Variants in CDH7 observed in about 807,000 individuals in gnomAD.
CDH7 encodes the protein cadherin 7.
Under a neutral mutation model 71.8 loss-of-function variants are expected in CDH7, and 25 were observed. The observed-to-expected ratio is 0.35, with a 90% confidence interval of 0.25 to 0.49. The LOEUF (loss-of-function observed/expected upper bound fraction) is 0.49, where lower values mean the gene tolerates loss of function less well. Among genes scored for constraint, CDH7 ranks in the 20% least tolerant of loss-of-function variants. The pLI is 0.99. For missense variants in CDH7, 862 were observed against 974.6 expected (o/e 0.88, Z 1.54); for synonymous variants, 381 against 363.8 (o/e 1.05, Z -0.54).
chr18:65,792,094 C>T (rs894619738), intron 2 of CDH7, among the ~76,000 whole-genome samples: 1 of 151,828 alleles, frequency 6.6e-6, no homozygotes, highest in Non-Finnish European at 1.5e-5. Context: ...TTCTTAAGTG[C>T]CCCTGAGGCT....
intron 6 of CDH7, among the ~76,000 whole-genome samples, chr18:65,827,024 T>C (rs559817197): frequency 6.6e-6 from 1 of 151,852 alleles, no homozygotes; most frequent in Admixed American, 6.6e-5. Flanking sequence ...ATTCCTTACT[T>C]CTGCCCAGAA....
intron 2 of CDH7, among the ~76,000 whole-genome samples, chr18:65,778,666 C>CT (rs138374389): frequency 0.34 from 50,009 of 145,758 alleles, 8,737 homozygotes; most frequent in Middle Eastern, 0.45. Flanking sequence ...AGTTTATTTT[C>CT]TTTTTTTTTG....
Position 65,859,039 on chromosome 18 carries a change from C to A in CDH7, c.1487C>A (p.Pro496Gln), listed in dbSNP as rs141136047. The A allele has an allele frequency of 6.1e-5, 99 of 1,613,216 alleles. No individual in the cohort carries two copies. The highest frequency in any genetic ancestry group is 7.7e-5 in the South Asian group (7 of 91,058). The change falls in exon 9 of 12, where the codon CCG becomes CAG. Residue 496 changes from proline to glutamine, a missense_variant. Pro to Gln is a moderately conservative substitution (Grantham distance 76). Transcript: ENST00000397968. The part of the protein sequence containing the change: ...YETTVCENAQ[P>Q]GQVIQKISAV... ...ACCACCGTCTGTGAAAATGCCCAGC[C>A]GGGGCAGGTAAGAGTCTTCAGAACA...
rs897785162 is a variant in CDH7, at chr18:65,835,763, T to G, written c.982-8049T>G. Among the ~76,000 whole-genome samples the G allele has an allele frequency of 2.6e-5, 4 of 152,164 alleles. No homozygotes were observed. In the East Asian group the frequency reaches 7.7e-4, roughly 29 times the overall value. ...TGTTTTCTACTTTATGCTTATAAAA[T>G]CAAAACAGACTACCTAAGTTCAGAG... On this transcript the variant is annotated intron_variant, in intron 6 of 11. Transcript: ENST00000397968.
intron 4 of CDH7, among the ~76,000 whole-genome samples, chr18:65,820,183 G>A (rs1911870006): frequency 6.7e-6 from 1 of 149,540 alleles, no homozygotes; most frequent in African/African-American, 2.5e-5. Flanking sequence ...GAAAAGTTCT[G>A]AGTTATGGTA....
At chr18:65,835,404 T>C (rs1912497762) in intron 6 of CDH7, among the ~76,000 whole-genome samples, 1 of 152,166 alleles carries the variant, frequency 6.6e-6, no homozygotes, top group Non-Finnish European at 1.5e-5. Flanking sequence ...CTTCATGAAA[T>C]GGCCAAGGAA....
At chr18:65,862,288 C>T (rs774264006) in intron 10 of CDH7, among the ~76,000 whole-genome samples, 2 of 152,090 alleles carry the variant, frequency 1.3e-5, no homozygotes, top group African/African-American at 2.4e-5. Flanking sequence ...TATGATGATA[C>T]TGCAAAATAT....
intron 4 of CDH7, among the ~76,000 whole-genome samples, chr18:65,816,429 T>C (rs559099436): frequency 8.5e-5 from 13 of 152,294 alleles, no homozygotes; most frequent in Admixed American, 6.5e-4. Context: ...CTTCCTTTCC[T>C]GATGTCTGTC....
At chr18:65,766,315 A>C (rs1315477663) in intron 2 of CDH7, among the ~76,000 whole-genome samples, 4 of 152,268 alleles carry the variant, frequency 2.6e-5, no homozygotes, top group South Asian at 2.1e-4. Flanking sequence ...TCAGTCAATA[A>C]AATTTGATCA....
chr18:65,769,398 T>A (rs1393763162), intron 2 of CDH7, among the ~76,000 whole-genome samples: 2 of 152,204 alleles, frequency 1.3e-5, no homozygotes, highest in African/African-American at 4.8e-5. Flanking sequence ...CTGTAAAATG[T>A]GATCAAATTG....
At chr18:65,839,216 T>G (rs572781263) in intron 6 of CDH7, among the ~76,000 whole-genome samples, 1 of 152,204 alleles carries the variant, frequency 6.6e-6, no homozygotes, top group Non-Finnish European at 1.5e-5. Flanking sequence ...TTAGTCCGTT[T>G]GGGCTACTAT....
chr18:65,843,901 G>T lies in CDH7; in HGVS notation c.1071G>T (p.Pro357=), dbSNP rs138826876. 189 of 1,602,702 alleles carry T rather than the reference G, an allele frequency of 1.2e-4. No individual in the cohort carries two copies. The African/African-American group carries it at 2.1e-3, about 18-fold the overall frequency. ...ACCCTCGCTTTCTGAGCTTGGGTCC[G>T]TTCAGTGACACGACAACTGTGAAGA... is the stretch of plus-strand genomic sequence containing the variant. The part of the protein sequence containing the change: ...DADPRFLSLG[P]FSDTTTVKII... The change falls in exon 7 of 12, where the codon CCG becomes CCT. Residue 357 remains proline (P), a synonymous_variant. Transcript: ENST00000397968.
At position 65,780,232 on chromosome 18, in the gene CDH7, A is replaced by C. The variant is rs1189449650; in HGVS notation, c.210+17180A>C. Among the ~76,000 whole-genome samples, 2 of 119,130 alleles carry C rather than the reference A, an allele frequency of 1.7e-5. 1 individual carries two copies. Among genetic ancestry groups the C allele is most frequent in the Non-Finnish European group, 3.4e-5 (2 of 58,958 alleles). 78.2% of individuals were successfully genotyped at this position (119,130 alleles called of 152,430 possible). On this transcript the variant is annotated intron_variant, in intron 2 of 11. Coordinates refer to ENST00000397968, the MANE Select transcript of CDH7 (RefSeq NM_004361.5). ...CTTTGTCAGATGAGTAGGTTGCTAAAATTTTCTCCCATTCTGTAGGTTGCC... is the reference window on the plus strand; with the variant it reads ...CTTTGTCAGATGAGTAGGTTGCTAACATTTTCTCCCATTCTGTAGGTTGCC...
chr18:65,753,824 T>C (rs920288919), intron 1 of CDH7, among the ~76,000 whole-genome samples: 12 of 152,208 alleles, frequency 7.9e-5, no homozygotes, highest in African/African-American at 2.7e-4. Context: ...GTCTCACAGA[T>C]AAAATTACCA....
At chr18:65,757,791 A>ATATT (rs368666189) in intron 1 of CDH7, among the ~76,000 whole-genome samples, 1 of 145,648 alleles carries the variant, frequency 6.9e-6, no homozygotes, top group Non-Finnish European at 1.5e-5. Flanking sequence ...ATATATATAT[A>ATATT]TTTTTTTTTT....
At chr18:65,795,595 CTT>C (rs1402838967) in intron 2 of CDH7, among the ~76,000 whole-genome samples, 9 of 152,094 alleles carry the variant, frequency 5.9e-5, no homozygotes, top group Admixed American at 5.9e-4. Flanking sequence ...AATGAACACT[CTT>C]AGTGTGTATA....
At chr18:65,814,133 A>G (rs1352662460) in intron 3 of CDH7, among the ~76,000 whole-genome samples, 1 of 152,136 alleles carries the variant, frequency 6.6e-6, no homozygotes, top group Non-Finnish European at 1.5e-5. Flanking sequence ...AGTCTTATAG[A>G]AGCTGCTCTT....
intron 2 of CDH7, chr18:65,803,253 A>G (rs1911191075): frequency 6.6e-6 from 1 of 152,158 alleles, no homozygotes; most frequent in Non-Finnish European, 1.5e-5. Flanking sequence ...TGCCTCTAAG[A>G]AAATGGACCG....
intron 2 of CDH7, among the ~76,000 whole-genome samples, chr18:65,777,513 A>G (rs1473158656): frequency 6.6e-6 from 1 of 151,958 alleles, no homozygotes; most frequent in East Asian, 1.9e-4. Context: ...GGATATATTT[A>G]TGTTTTATCC....
Sources: gnomAD v4.1 joint callset for allele counts (sites outside exome capture counted in the v4.1 genomes callset) on GRCh38, gnomAD v4.1.1 for gene constraint, MANE v1.5 for transcripts, NCBI Gene and HGNC (gene_info 2026-07-23, HGNC 2026-07-21) for gene names.